Variants in POLRMT observed in about 807,000 individuals in gnomAD.
POLRMT encodes the protein DNA-directed RNA polymerase, mitochondrial.
POLRMT carries 114 observed loss-of-function variants against 132.2 expected under a neutral mutation model. That is an observed-to-expected ratio of 0.86 (90% CI 0.74 to 1.01). POLRMT has a LOEUF of 1.01. Ranked by LOEUF, POLRMT falls within the 50% of genes least tolerant of loss-of-function variation. The pLI is 0.00. For missense variants in POLRMT, 2,003 were observed against 1,729.1 expected (o/e 1.16, Z -2.81); for synonymous variants, 1,020 against 773.4 (o/e 1.32, Z -5.29).
chr19:628,993 T>A (rs564499861), intron 3 of POLRMT, among the ~76,000 whole-genome samples: 2 of 150,370 alleles, frequency 1.3e-5, no homozygotes, highest in South Asian at 4.3e-4. Flanking sequence ...ACAGGGAGAG[T>A]ATGTCCCAGA....
chr19:617,963 T>G (rs41546612), intron 17 of POLRMT, 114 bp from the exon 18 acceptor site: 161,657 of 900,652 alleles, frequency 0.18, 16,202 homozygotes, highest in South Asian at 0.3. Flanking sequence ...AAGCCCACCC[T>G]CCTGCAGGCC....
chr19:623,478 C>A lies in POLRMT; in HGVS notation c.1266G>T (p.Leu422Phe). ...VCVVSVEKPT[L>F]PSKEVKHARK... ...CCGCGTGCTTGACCTCCTTGCTTGG[C>A]AACGTGGGCTTCTCCACGGACACCA... The change falls in exon 6 of 21, where the codon TTG (leucine) becomes TTT (phenylalanine). Residue 422 changes from leucine to phenylalanine, a missense_variant. Physicochemically the swap from Leu to Phe is conservative, Grantham distance 22. Transcript: ENST00000588649. 1 of 1,612,438 alleles carries A rather than the reference C, an allele frequency of 6.2e-7. No homozygotes were observed. The highest frequency in any genetic ancestry group is 1.1e-5 in the South Asian group (1 of 91,026).
At position 618,879 on chromosome 19, in the gene POLRMT, G is replaced by C. The variant is rs558768588; in HGVS notation, c.3267+118C>G. On this transcript the variant is annotated intron_variant, in intron 15 of 20. Transcript: ENST00000588649. The stretch of plus-strand genomic sequence containing the variant: ...GATGGTGGCACACTGGCGCGGGATG[G>C]GGTGGCACACTGGGGCGGTGGTACA... The C allele has an allele frequency of 3.2e-4, 439 of 1,373,092 alleles. 2 individuals carry two copies. In the African/African-American group the frequency reaches 5.8e-3, roughly 18 times the overall value. 85.1% of individuals were successfully genotyped at this position (1,373,092 alleles called of 1,614,324 possible).
intron 6 of POLRMT, 27 bp downstream of exon 6, chr19:623,427 G>T (rs759241751): frequency 1.2e-6 from 2 of 1,606,992 alleles, no homozygotes; most frequent in Non-Finnish European, 1.7e-6. Context: ...CCCTGCGGCG[G>T]ACACGGGACC....
intron 1 of POLRMT, 153 bp from the exon 2 acceptor site, chr19:633,091 G>C (rs1489316607): frequency 1.5e-6 from 1 of 645,960 alleles, no homozygotes; most frequent in South Asian, 2.4e-5. Flanking sequence ...CTAAGACAGC[G>C]AAGGTGGAAG....
rs1248762097 is a variant in POLRMT at position 620,100 on chromosome 19, C to T, written c.2764-20G>A. The T allele has an allele frequency of 7.8e-6, 12 of 1,535,606 alleles. No individual in the cohort carries two copies. Among genetic ancestry groups the T allele is most frequent in the South Asian group, 1.2e-5 (1 of 84,056 alleles). On this transcript the variant is annotated intron_variant, in intron 11 of 20. Transcript: ENST00000588649. The stretch of plus-strand genomic sequence containing the variant: ...GCCGTCCTGAGGAAGGGGCGGCAAA[C>T]GGGAGATGGAAGCTAGAGAGGCAGA...
chr19:629,073 C>G (rs986170075), intron 3 of POLRMT, among the ~76,000 whole-genome samples: 3 of 152,090 alleles, frequency 2.0e-5, no homozygotes, highest in Non-Finnish European at 4.4e-5. Flanking sequence ...TGAACCACAA[C>G]GAAGATGGGT....
intron 2 of POLRMT, among the ~76,000 whole-genome samples, chr19:630,788 G>C (rs887365538): frequency 1.3e-5 from 2 of 152,194 alleles, no homozygotes; most frequent in African/African-American, 4.8e-5. Flanking sequence ...GCTCCTGCTC[G>C]TGCCGCCTCA....
Position 622,585 on chromosome 19 carries a change from G to C in POLRMT, c.1623C>G (p.Ala541=), listed in dbSNP as rs199857732. Residue 541 remains alanine, a synonymous_variant, in exon 8 of 21, where the codon GCC becomes GCG. Coordinates refer to ENST00000588649, the MANE Select transcript of POLRMT (RefSeq NM_005035.4). The stretch of plus-strand genomic sequence containing the variant: ...GGAGAGGGGGTGCGAGCCTCACCTC[G>C]GCGTCGGAGGCCAGCAAGCAGAGGT... ...RKYLCLLASD[A]EVPEPCLPRQ... The C allele has an allele frequency of 3.6e-5, 57 of 1,599,250 alleles. No homozygotes were observed. In the East Asian group the frequency reaches 1.3e-3, roughly 35 times the overall value.
In POLRMT at chr19:621,498, G is replaced by T; in HGVS notation, c.2200C>A (p.Pro734Thr). The change falls in exon 10 of 21, where the codon CCG (proline) becomes ACG (threonine). Residue 734 changes from proline (P) to threonine (T), a missense_variant. Pro to Thr is a conservative substitution (Grantham distance 38). Coordinates refer to ENST00000588649, the MANE Select transcript of POLRMT (RefSeq NM_005035.4). ...KGCPQLGVPAPPSEAPQPPEA... is the reference protein window; with the variant it reads ...KGCPQLGVPATPSEAPQPPEA... ...GGCGGCTGGGGCGCCTCGGAGGGCG[G>T]GGCCGGCACGCCTAGCTGGGGGCAG... The T allele has an allele frequency of 1.5e-6, 2 of 1,375,654 alleles. No individual in the cohort carries two copies. The highest frequency in any genetic ancestry group is 3.1e-5 in the East Asian group (1 of 32,718). The allele number at this position is 1,375,654 out of a possible 1,614,324, so 85.2% of individuals were successfully genotyped here. A position where few individuals can be genotyped will look rare whatever the true frequency, so the allele number is the denominator to read the frequency against.
In POLRMT at chr19:617,329, G is replaced by A. The variant is rs550468684; in HGVS notation, c.3644-6C>T. 43 of 1,612,902 alleles carry A rather than the reference G, an allele frequency of 2.7e-5. No individual in the cohort carries two copies. Among genetic ancestry groups the A allele is most frequent in the Non-Finnish European group, 3.5e-5 (41 of 1,179,900 alleles). On this transcript the variant is annotated splice_region_variant and splice_polypyrimidine_tract_variant and intron_variant, in intron 20 of 20. Coordinates refer to ENST00000588649, the MANE Select transcript of POLRMT (RefSeq NM_005035.4). ...CTGCTCCAGGTCGAAGGCCCCTGCGGAGGAAGCAGAGCGGACGGCGTGGGT... is the reference window on the plus strand; with the variant it reads ...CTGCTCCAGGTCGAAGGCCCCTGCGAAGGAAGCAGAGCGGACGGCGTGGGT...
chr19:622,732 G>C lies in POLRMT; in HGVS notation c.1476C>G (p.Ala492=). ...CCAGGGTGGTGAAGGACTCACCTTG[G>C]GCGGGCAGCGCCTGCAGGACCTGCG... ...MLLQVLQALP[A]QGESFTTLAR... Residue 492 remains alanine, a synonymous_variant, in exon 8 of 21, where the codon GCC becomes GCG. Transcript: ENST00000588649. 6.3e-7 allele frequency: 1 copy of C among 1,595,190 alleles called. No homozygotes were observed. The highest frequency in any genetic ancestry group is 8.5e-7 in the Non-Finnish European group (1 of 1,172,428).
rs1299067235 is a variant in POLRMT, at chr19:622,664, T to C, written c.1544A>G (p.Gln515Arg). Residue 515 changes from glutamine to arginine, a missense_variant, in exon 8 of 21, where the codon CAG becomes CGG. Gln to Arg is a conservative substitution (Grantham distance 43). Transcript: ENST00000588649. ...SARTFSRHVV[Q>R]RQRVSGQVQA... ...CACCTGGCCACTGACCCGCTGCCTC[T>C]GCACCACGTGCCGGCTGAAAGTGCG... 3 of 1,606,340 alleles carry C rather than the reference T, an allele frequency of 1.9e-6. No individual in the cohort carries two copies. The highest frequency in any genetic ancestry group is 1.7e-6 in the Non-Finnish European group (2 of 1,177,850).
chr19:622,933 G>A lies in POLRMT; in HGVS notation c.1343C>T (p.Ala448Val), dbSNP rs1416177063. 6.8e-6 allele frequency: 11 copies of A among 1,612,884 alleles called. No homozygotes were observed. The highest frequency in any genetic ancestry group is 2.2e-5 in the East Asian group (1 of 44,864). ...RDQWEKALCR[A>V]LRETKNRLER... Reference sequence around the variant, plus strand: ...TAGGCGGTTCTTGGTCTCCCGCAGCGCCCGGCACAGTGCTTTCTCCCATTG... The same window carrying A: ...TAGGCGGTTCTTGGTCTCCCGCAGCACCCGGCACAGTGCTTTCTCCCATTG... Residue 448 changes from alanine (A) to valine (V), a missense_variant, in exon 7 of 21, where the codon GCG (alanine) becomes GTG (valine). Transcript: ENST00000588649.
intron 3 of POLRMT, among the ~76,000 whole-genome samples, chr19:627,642 T>C (rs1985119557): frequency 6.6e-6 from 1 of 150,948 alleles, no homozygotes. Flanking sequence ...TTAGAATACG[T>C]GGCCGGGCGC....
chr19:620,343 G>A (rs754714028), intron 11 of POLRMT, 22 bp downstream of exon 11: 22 of 1,554,894 alleles, frequency 1.4e-5, no homozygotes, highest in Middle Eastern at 2.1e-4. Context: ...ACGGCCTCGG[G>A]GGCCAGACCC....
At chr19:625,359 C>T (rs545556797) in intron 3 of POLRMT, 105 bp from the exon 4 acceptor site, 1 of 1,481,884 alleles carries the variant, frequency 6.7e-7, no homozygotes, top group Non-Finnish European at 9.2e-7. Context: ...CAGCAGGGGA[C>T]AGGGTCACCA....
chr19:628,485 C>A (rs545261600), intron 3 of POLRMT, among the ~76,000 whole-genome samples: 1 of 152,190 alleles, frequency 6.6e-6, no homozygotes, highest in African/African-American at 2.4e-5. Context: ...CTGTTTGATG[C>A]GTTAATAAAG....
chr19:623,487 C>G lies in POLRMT; in HGVS notation c.1257G>C (p.Lys419Asn). The stretch of plus-strand genomic sequence containing the variant: ...TGACCTCCTTGCTTGGCAACGTGGG[C>G]TTCTCCACGGACACCACGCACACCC... The part of the protein sequence containing the change: ...ASRVCVVSVE[K>N]PTLPSKEVKH... The change falls in exon 6 of 21, where the codon AAG becomes AAC. Residue 419 changes from lysine to asparagine, a missense_variant. Coordinates refer to ENST00000588649, the MANE Select transcript of POLRMT (RefSeq NM_005035.4). 6.2e-7 allele frequency: 1 copy of G among 1,612,840 alleles called. No individual in the cohort carries two copies. Among genetic ancestry groups the G allele is most frequent in the Non-Finnish European group, 8.5e-7 (1 of 1,179,984 alleles).
Sources: allele counts gnomAD v4.1 joint callset (sites outside exome capture counted in the v4.1 genomes callset), GRCh38; gene constraint gnomAD v4.1.1; transcripts MANE v1.5; gene names NCBI Gene and HGNC (gene_info 2026-07-23, HGNC 2026-07-21).